SERPINB10: variants seen among roughly 807,000 people sequenced by gnomAD.
SERPINB10 encodes the protein serpin family B member 10, also known as serpin B10.
SERPINB10 carries 35 observed loss-of-function variants against 39.1 expected under a neutral mutation model. That is an observed-to-expected ratio of 0.90 (90% CI 0.68 to 1.19). The LOEUF (loss-of-function observed/expected upper bound fraction) is 1.19, where lower values mean the gene tolerates loss of function less well. Among genes scored for constraint, SERPINB10 ranks in the 50% most tolerant of loss-of-function variants. The pLI is 0.00. For missense variants in SERPINB10, 546 were observed against 460.5 expected, an observed-to-expected ratio of 1.19 and a Z score of -1.70; for synonymous variants, 190 against 158.1, an observed-to-expected ratio of 1.20 and a Z score of -1.52.
rs149788289 is a variant in SERPINB10 at position 63,919,799 on chromosome 18, A to G, written c.384A>G (p.Glu128=). Residue 128 remains glutamate, a synonymous_variant, in exon 5 of 8, where the codon GAA becomes GAG. Coordinates refer to ENST00000238508, the MANE Select transcript of SERPINB10 (RefSeq NM_005024.3). The part of the protein sequence containing the change: ...KTYAFHNKYL[E]DMKTYFGAEP... ...TCTATGTCTTTCAGAAATATTTAGA[A>G]GACATGAAAACATATTTTGGTGCAG... 5 of 1,595,110 alleles carry G rather than the reference A, an allele frequency of 3.1e-6. No individual in the cohort carries two copies. The African/African-American group carries it at 4.1e-5, about 13-fold the overall frequency.
chr18:63,920,158 T>G (rs1229832604), intron 5 of SERPINB10, among the ~76,000 whole-genome samples: 1 of 151,750 alleles, frequency 6.6e-6, no homozygotes, highest in East Asian at 1.9e-4. Flanking sequence ...TCCCACTAAT[T>G]CCAAAGAAGA....
intron 6 of SERPINB10, among the ~76,000 whole-genome samples, chr18:63,932,001 T>C (rs149477894): frequency 7.0e-4 from 107 of 152,334 alleles, no homozygotes; most frequent in Admixed American, 3.5e-3. Context: ...ATAGTTGTAA[T>C]CATACAGCAC....
Position 63,934,845 on chromosome 18 carries a change from A to G in SERPINB10, c.797A>G (p.Lys266Arg). Residue 266 changes from lysine to arginine, a missense_variant, in exon 8 of 8, where the codon AAG becomes AGG. Transcript: ENST00000238508. Reference protein sequence around the residue: ...EDINGLEQLEKAITYEKLNEW... With the variant: ...EDINGLEQLERAITYEKLNEW... ...TTGGTTCCAAATGGGCAGCTGGAAA[A>G]GGCCATCACCTATGAGAAGCTGAAT... 1 of 1,587,222 alleles carries G rather than the reference A, an allele frequency of 6.3e-7. No individual in the cohort carries two copies. Among genetic ancestry groups the G allele is most frequent in the African/African-American group, 1.4e-5 (1 of 73,852 alleles).
At chr18:63,923,851 C>G (rs8093162) in intron 5 of SERPINB10, among the ~76,000 whole-genome samples, 16,906 of 151,762 alleles carry the variant, frequency 0.11, 2,178 homozygotes, top group African/African-American at 0.3. Flanking sequence ...TTATCCTTTT[C>G]CAGCTCATGA....
intron 5 of SERPINB10, among the ~76,000 whole-genome samples, chr18:63,926,607 A>C (rs965369532): frequency 6.6e-6 from 1 of 152,014 alleles, no homozygotes; most frequent in Non-Finnish European, 1.5e-5. Context: ...AGAATTCTAC[A>C]AAACAAATGG....
chr18:63,909,131 T>C (rs376491340), intron 1 of SERPINB10, among the ~76,000 whole-genome samples: 197 of 152,168 alleles, frequency 1.3e-3, no homozygotes, highest in South Asian at 4.6e-3. Context: ...GACATTTTGA[T>C]GAATGACACT....
At chr18:63,916,351 A>T (rs58241410) in intron 2 of SERPINB10, among the ~76,000 whole-genome samples, 4,290 of 127,498 alleles carry the variant, frequency 0.034, 215 homozygotes, top group African/African-American at 0.12. Context: ...TTTAAATAAA[A>T]AAAAAAAAAA....
intron 1 of SERPINB10, among the ~76,000 whole-genome samples, chr18:63,911,122 A>AT (rs772079385): frequency 6.6e-6 from 1 of 151,870 alleles, no homozygotes; most frequent in Middle Eastern, 3.4e-3. Flanking sequence ...GTCCTTTGGC[A>AT]TTTTTTAATG....
chr18:63,929,903 A>C, intron 5 of SERPINB10, 142 bp from the exon 6 acceptor site: 1 of 761,526 alleles, frequency 1.3e-6, no homozygotes, highest in East Asian at 2.7e-5. Context: ...CAGGAATAGT[A>C]CTTGTCCATT....
chr18:63,928,719 C>A (rs1032537491), intron 5 of SERPINB10, among the ~76,000 whole-genome samples: 2 of 151,824 alleles, frequency 1.3e-5, no homozygotes, highest in Non-Finnish European at 2.9e-5. Context: ...CTTTTATTTC[C>A]TTGAGCAGTG....
At chr18:63,932,804 C>T (rs1385405006) in intron 6 of SERPINB10, among the ~76,000 whole-genome samples, 1 of 152,096 alleles carries the variant, frequency 6.6e-6, no homozygotes, top group Non-Finnish European at 1.5e-5. Context: ...ATACATGTTG[C>T]TGTGATTTAT....
intron 5 of SERPINB10, among the ~76,000 whole-genome samples, chr18:63,928,523 A>G (rs2050196088): frequency 6.6e-6 from 1 of 152,060 alleles, no homozygotes; most frequent in Admixed American, 6.6e-5. Flanking sequence ...ACAGCCTTTC[A>G]GATGTTAATC....
intron 4 of SERPINB10, 32 bp downstream of exon 4, chr18:63,918,134 G>T (rs2050118428): frequency 2.5e-6 from 4 of 1,608,176 alleles, no homozygotes; most frequent in Non-Finnish European, 3.4e-6. Context: ...TAAGCTAATG[G>T]AAAAGAAAGA....
intron 1 of SERPINB10, among the ~76,000 whole-genome samples, chr18:63,911,259 T>A (rs1365155905): frequency 6.6e-6 from 1 of 152,122 alleles, no homozygotes; most frequent in African/African-American, 2.4e-5. Flanking sequence ...GATAGTTTCT[T>A]TTGCTGTGCA....
chr18:63,919,504 T>C (rs1172677945), intron 4 of SERPINB10, among the ~76,000 whole-genome samples: 1 of 151,882 alleles, frequency 6.6e-6, no homozygotes, highest in Non-Finnish European at 1.5e-5. Flanking sequence ...TTTCAAGGCA[T>C]GGATAAAAAT....
chr18:63,915,776 T>C, intron 2 of SERPINB10, 98 bp downstream of exon 2: 1 of 1,032,704 alleles, frequency 9.7e-7, no homozygotes, highest in African/African-American at 1.6e-5. Flanking sequence ...ATAATTTACA[T>C]TTCACAATAA....
chr18:63,924,195 A>G (rs1307076805), intron 5 of SERPINB10, among the ~76,000 whole-genome samples: 1 of 151,958 alleles, frequency 6.6e-6, no homozygotes. Context: ...CTTAGTTTAT[A>G]ATACAGATCA....
At chr18:63,923,061 C>G (rs1032614863) in intron 5 of SERPINB10, among the ~76,000 whole-genome samples, 1 of 151,832 alleles carries the variant, frequency 6.6e-6, no homozygotes, top group Admixed American at 6.6e-5. Flanking sequence ...TTAAAAAATT[C>G]TCTGTTATCA....
chr18:63,913,969 TAAGTCAGTTAA>T (rs1188427125), intron 1 of SERPINB10, among the ~76,000 whole-genome samples: 1 of 166 alleles, frequency 6.0e-3, no homozygotes, highest in Non-Finnish European at 0.011. Context: ...TTAGTATAGT[TAAGTCAGTTAA>T]GTCTTCTTGT....
Sources: allele counts gnomAD v4.1 joint callset (sites outside exome capture counted in the v4.1 genomes callset), GRCh38; gene constraint gnomAD v4.1.1; transcripts MANE v1.5; gene names NCBI Gene and HGNC (gene_info 2026-07-23, HGNC 2026-07-21).